The following TET2 variants were observed in gnomAD, a reference collection of about 807,000 sequenced individuals.
TET2 encodes the protein tet methylcytosine dioxygenase 2.
In TET2, 299 loss-of-function variants were observed where a neutral mutation model predicts 142.9. The ratio of observed to expected loss-of-function variants is 2.09; its 90% CI spans 1.90 to 2.30. The LOEUF is 2.30. TET2 is among the 30% of genes most tolerant of loss of function. TET2 has a pLI of 0.00. For missense variants in TET2, 2,418 were observed against 2,378.0 expected (o/e 1.02, Z -0.35); for synonymous variants, 819 against 849.0 (o/e 0.96, Z 0.61).
intron 1 of TET2, among the ~76,000 whole-genome samples, chr4:105,190,000 C>G (rs1208806734): frequency 6.6e-6 from 1 of 152,172 alleles, no homozygotes; most frequent in Non-Finnish European, 1.5e-5. Context: ...AATCTCTGAG[C>G]AAAATCCTCA....
chr4:105,259,680 TG>T lies in TET2; in HGVS notation c.3866del (p.Cys1289PhefsTer74). ...ETCGASFSFG[C>X]SWSMYYNGCK... ...CTGTGGTGCCTCCTTCTCTTTTGGT[TG>T]TTCATGGAGCATGTACTACAATGGA... On this transcript the variant is annotated frameshift_variant, in exon 7 of 11. Transcript: ENST00000380013. LOFTEE classifies it high-confidence loss of function. The T allele has an allele frequency of 6.4e-7, 1 of 1,551,234 alleles. No individual in the cohort carries two copies. The highest frequency in any genetic ancestry group is 8.7e-7 in the Non-Finnish European group (1 of 1,146,606).
intron 2 of TET2, chr4:105,190,816 T>C (rs1725741721): frequency 1.2e-5 from 3 of 255,968 alleles, no homozygotes; most frequent in South Asian, 2.0e-4. Flanking sequence ...GAAAATGTGA[T>C]ATCTATAACC....
At chr4:105,177,563 TAAAA>T (rs1724872856) in intron 1 of TET2, 1 of 152,122 alleles carries the variant, frequency 6.6e-6, no homozygotes, top group Non-Finnish European at 1.5e-5. Context: ...TATTGAAAAT[TAAAA>T]CAACAATGAG....
At chr4:105,206,534 G>T (rs540699713) in intron 2 of TET2, among the ~76,000 whole-genome samples, 2 of 152,302 alleles carry the variant, frequency 1.3e-5, no homozygotes, top group South Asian at 4.1e-4. Context: ...CTCCAAATAA[G>T]AGATGATGGA....
chr4:105,186,233 AAAAC>A (rs1197727288), intron 1 of TET2, among the ~76,000 whole-genome samples: 1 of 152,110 alleles, frequency 6.6e-6, no homozygotes, highest in African/African-American at 2.4e-5. Flanking sequence ...CTGTCTCAAG[AAAAC>A]AAACAAAAAA....
chr4:105,167,449 ATG>A (rs538518214), intron 1 of TET2, among the ~76,000 whole-genome samples: 2 of 152,138 alleles, frequency 1.3e-5, no homozygotes, highest in South Asian at 4.1e-4. Context: ...CATGTAGTAT[ATG>A]TGTGTATGTA....
chr4:105,255,838 T>A (rs190172635), intron 6 of TET2, among the ~76,000 whole-genome samples: 14 of 152,176 alleles, frequency 9.2e-5, no homozygotes, highest in African/African-American at 3.4e-4. Flanking sequence ...TCTGCCATTT[T>A]GTCTGTATCT....
intron 6 of TET2, among the ~76,000 whole-genome samples, chr4:105,247,327 T>G (rs1179096430): frequency 6.6e-6 from 1 of 152,176 alleles, no homozygotes; most frequent in Non-Finnish European, 1.5e-5. Flanking sequence ...AATTATCTGA[T>G]TAGATTCTAT....
intron 1 of TET2, chr4:105,172,526 G>C (rs1288311238): frequency 3.3e-5 from 5 of 152,154 alleles, no homozygotes; most frequent in African/African-American, 1.2e-4. Flanking sequence ...GCTGTTCCAG[G>C]GGTGGCAGAA....
intron 2 of TET2, among the ~76,000 whole-genome samples, chr4:105,225,215 G>C (rs1578653461): frequency 2.0e-5 from 1 of 49,604 alleles, no homozygotes; most frequent in South Asian, 3.9e-4. Context: ...TGTGTGATTT[G>C]AATAATGAGC....
chr4:105,180,605 C>T (rs550204887), intron 1 of TET2, among the ~76,000 whole-genome samples: 1 of 152,010 alleles, frequency 6.6e-6, no homozygotes, highest in South Asian at 2.1e-4. Flanking sequence ...TGGTCACAAA[C>T]AGTATTTCAC....
chr4:105,244,584 ATGTTTTTTTTTTT>A (rs1268711737), intron 6 of TET2, among the ~76,000 whole-genome samples: 27 of 116,746 alleles, frequency 2.3e-4, no homozygotes, highest in Non-Finnish European at 2.6e-4. Context: ...CTACACAGAA[ATGTTTTTTTTTTT>A]TTTTTTTTTT....
chr4:105,190,876 C>G (rs924296539), intron 2 of TET2, among the ~76,000 whole-genome samples: 1 of 152,156 alleles, frequency 6.6e-6, no homozygotes, highest in African/African-American at 2.4e-5. Flanking sequence ...GTAGCCACTT[C>G]GTCTCAATCT....
chr4:105,153,010 T>C (rs1019642879), intron 1 of TET2, among the ~76,000 whole-genome samples: 1 of 152,220 alleles, frequency 6.6e-6, no homozygotes, highest in Non-Finnish European at 1.5e-5. Flanking sequence ...GCTATGGCAA[T>C]TGCCCTATAA....
intron 2 of TET2, among the ~76,000 whole-genome samples, chr4:105,203,452 TCAGA>T (rs1726596219): frequency 6.6e-6 from 1 of 152,166 alleles, no homozygotes; most frequent in Non-Finnish European, 1.5e-5. Context: ...GTGCTTTGTG[TCAGA>T]CAAAGGTCTT....
intron 1 of TET2, among the ~76,000 whole-genome samples, chr4:105,180,506 A>G (rs770472483): frequency 7.9e-5 from 12 of 152,194 alleles, no homozygotes; most frequent in South Asian, 2.1e-4. Context: ...AAGCAAAATT[A>G]TGTTTATTTC....
At chr4:105,181,879 A>G (rs1725140297) in intron 1 of TET2, among the ~76,000 whole-genome samples, 1 of 152,100 alleles carries the variant, frequency 6.6e-6, no homozygotes, top group Non-Finnish European at 1.5e-5. Flanking sequence ...ATAGCTTTTT[A>G]TACTACTTTC....
At chr4:105,266,964 T>C (rs1730709356) in intron 8 of TET2, among the ~76,000 whole-genome samples, 1 of 151,534 alleles carries the variant, frequency 6.6e-6, no homozygotes, top group South Asian at 2.1e-4. Flanking sequence ...GCTTACAATC[T>C]GTGATAAAGA....
chr4:105,151,982 C>T (rs191798151), intron 1 of TET2, among the ~76,000 whole-genome samples: 47 of 151,202 alleles, frequency 3.1e-4, no homozygotes, highest in South Asian at 1.3e-3. Context: ...GGCTGAGGCC[C>T]GAGAATCACT....
Sources: allele counts gnomAD v4.1 joint callset (sites outside exome capture counted in the v4.1 genomes callset), GRCh38; gene constraint gnomAD v4.1.1; transcripts MANE v1.5; gene names NCBI Gene and HGNC (gene_info 2026-07-23, HGNC 2026-07-21).